Variants in PIP4K2B observed in about 807,000 individuals in gnomAD.
PIP4K2B encodes phosphatidylinositol 5-phosphate 4-kinase type-2 beta.
In PIP4K2B, 3 loss-of-function variants were observed where a neutral mutation model predicts 42.0. The observed-to-expected ratio is 0.07, with a 90% CI of 0.03 to 0.18. The LOEUF is 0.18. Among genes scored for constraint, PIP4K2B ranks in the 10% least tolerant of loss-of-function variants. The pLI is 1.00. For missense variants in PIP4K2B, 332 were observed against 562.3 expected, an observed-to-expected ratio of 0.59 and a Z score of 4.14; for synonymous variants, 204 against 210.1, an observed-to-expected ratio of 0.97 and a Z score of 0.25.
At position 38,779,521 on chromosome 17, in the gene PIP4K2B, C is replaced by A. The variant is rs1389773922; in HGVS notation, c.516G>T (p.Val172=). 1.2e-6 allele frequency: 2 copies of A among 1,613,482 alleles called. No individual in the cohort carries two copies. Among genetic ancestry groups the A allele is most frequent in the Non-Finnish European group, 1.7e-6 (2 of 1,179,518 alleles). ...NILKKYHQFI[V]ECHGNTLLPQ... ...GCAAAAGCGTGTTGCCATGACACTC[C>A]ACTATAAACTAGAATGGAAAGGAAG... is the stretch of plus-strand genomic sequence containing the variant. Residue 172 remains valine (V), a synonymous_variant, in exon 5 of 10, where the codon GTG becomes GTT. Coordinates refer to ENST00000619039, the MANE Select transcript of PIP4K2B (RefSeq NM_003559.5).
chr17:38,778,490 G>T, intron 5 of PIP4K2B, 118 bp from the exon 6 acceptor site: 1 of 871,776 alleles, frequency 1.1e-6, no homozygotes, highest in East Asian at 2.4e-5. Context: ...AGAGGGGCCA[G>T]GAGGCAGCAC....
chr17:38,777,556 C>T (rs181902640), intron 7 of PIP4K2B, 131 bp downstream of exon 7: 307 of 679,434 alleles, frequency 4.5e-4, no homozygotes, highest in Non-Finnish European at 6.4e-4. Flanking sequence ...TAAGTGCCCA[C>T]GCTGCTCAAA....
intron 7 of PIP4K2B, chr17:38,776,706 T>C (rs1909376768): frequency 1.0e-5 from 4 of 385,810 alleles, no homozygotes; most frequent in Non-Finnish European, 1.5e-5. Context: ...AAAAAATTTT[T>C]TTTCCCAAGT....
chr17:38,799,293 G>A lies in PIP4K2B; in HGVS notation c.132C>T (p.Ser44=), dbSNP rs1331593987. The change falls in exon 1 of 10, where the codon AGC becomes AGT. Residue 44 remains serine, a synonymous_variant. Transcript: ENST00000619039. The surrounding 1 kb of genome is among the most constrained non-coding windows in gnomAD (Gnocchi z 4.4). ...TGTGGTTCACCCCCCACATCAGGAC[G>A]CTGAGGATCGGCTCGCTGGCCCGGA... ...KLFRASEPIL[S]VLMWGVNHTI... is the part of the protein sequence containing the mutation. 2 of 1,607,036 alleles carry A rather than the reference G, an allele frequency of 1.2e-6. No homozygotes were observed. Among genetic ancestry groups the A allele is most frequent in the Non-Finnish European group, 1.7e-6 (2 of 1,177,412 alleles).
intron 5 of PIP4K2B, 64 bp downstream of exon 5, chr17:38,779,319 T>A (rs73985004): frequency 9.4e-6 from 14 of 1,485,000 alleles, no homozygotes; most frequent in Non-Finnish European, 1.3e-5. Context: ...GAAGTTGGAG[T>A]AGTGGCCCCT....
intron 1 of PIP4K2B, among the ~76,000 whole-genome samples, chr17:38,794,926 C>G (rs927558424): frequency 6.6e-6 from 1 of 151,190 alleles, no homozygotes; most frequent in African/African-American, 2.4e-5. Flanking sequence ...ATGGCAAAAC[C>G]CTGTCTCTAC....
intron 6 of PIP4K2B, 44 bp from the exon 7 acceptor site, chr17:38,777,844 C>T (rs1329253729): frequency 2.2e-6 from 3 of 1,367,392 alleles, no homozygotes; most frequent in Admixed American, 1.7e-5. Context: ...CTGATTAATT[C>T]ACCCCAGGGA....
intron 2 of PIP4K2B, 77 bp downstream of exon 2, chr17:38,786,746 G>C (rs1910035631): frequency 1.1e-6 from 1 of 910,532 alleles, no homozygotes. Flanking sequence ...CTCCCACCAT[G>C]CATGAGGCTT....
intron 4 of PIP4K2B, 98 bp from the exon 5 acceptor site, chr17:38,779,627 A>T (rs1404772419): frequency 1.9e-6 from 2 of 1,080,252 alleles, no homozygotes; most frequent in Non-Finnish European, 2.8e-6. Flanking sequence ...GCTCCCTGGG[A>T]TTCTAACCTC....
intron 6 of PIP4K2B, 53 bp downstream of exon 6, chr17:38,778,281 G>C: frequency 6.4e-7 from 1 of 1,555,238 alleles, no homozygotes; most frequent in Non-Finnish European, 8.9e-7. Flanking sequence ...TGGCCGACAG[G>C]AGTTGTTTCT....
In PIP4K2B at chr17:38,770,581, G is replaced by A. The variant is rs142266113; in HGVS notation, c.1067-42C>T. ...AGCAGGGAAGAAGGAAGAGGGGGCA[G>A]GAGAAGGGCAGACAGCAGCTGGGCA... On this transcript the variant is annotated intron_variant, in intron 8 of 9. Transcript: ENST00000619039. 5,933 of 1,120,954 alleles carry A rather than the reference G, an allele frequency of 5.3e-3. 26 individuals carry two copies. Among genetic ancestry groups the A allele is most frequent in the Admixed American group, 9.3e-3 (543 of 58,352 alleles). 69.4% of individuals were successfully genotyped at this position (1,120,954 alleles called of 1,614,324 possible).
chr17:38,785,337 T>C (rs971057102), intron 2 of PIP4K2B, among the ~76,000 whole-genome samples: 6 of 152,172 alleles, frequency 3.9e-5, no homozygotes, highest in Non-Finnish European at 7.4e-5. Flanking sequence ...ATCTGCCTTA[T>C]CTACCCCGTC....
intron 1 of PIP4K2B, among the ~76,000 whole-genome samples, chr17:38,790,475 A>G (rs752273658): frequency 1.1e-4 from 16 of 152,172 alleles, no homozygotes; most frequent in Admixed American, 5.9e-4. Flanking sequence ...TCACGAGGTC[A>G]GAAGATCGAG....
chr17:38,799,463 G>C lies in PIP4K2B; in HGVS notation c.-39C>G. 6.6e-7 allele frequency: 1 copy of C among 1,522,658 alleles called. No homozygotes were observed. The highest frequency in any genetic ancestry group is 8.7e-7 in the Non-Finnish European group (1 of 1,142,908). The allele number at this position is 1,522,658 out of a possible 1,614,324, so 94.3% of individuals were successfully genotyped here. The stretch of plus-strand genomic sequence containing the variant: ...GCGGCGGCGGCGAAAGAGGGGGGCG[G>C]CGGAGACAGCGCACAAGCCAGCGGC... On this transcript the variant is annotated 5_prime_UTR_variant, in exon 1 of 10. Transcript: ENST00000619039. This position sits in a 1 kb window ranked among gnomAD's most constrained non-coding sequence, Gnocchi z 4.4.
rs372368285 is a variant in PIP4K2B at position 38,784,231 on chromosome 17, G to A, written c.354+12C>T. 3.9e-6 allele frequency: 6 copies of A among 1,543,734 alleles called. No individual in the cohort carries two copies. Among genetic ancestry groups the A allele is most frequent in the Non-Finnish European group, 5.4e-6 (6 of 1,116,240 alleles). ...TTCCCTAATCCACTGATGTTGCCAGGAGCCTCCATACCTGGTAATCCTGAT... is the reference window on the plus strand; with the variant it reads ...TTCCCTAATCCACTGATGTTGCCAGAAGCCTCCATACCTGGTAATCCTGAT... On this transcript the variant is annotated intron_variant, in intron 3 of 9. Coordinates refer to ENST00000619039, the MANE Select transcript of PIP4K2B (RefSeq NM_003559.5).
chr17:38,789,298 G>C (rs2143454268), intron 1 of PIP4K2B, among the ~76,000 whole-genome samples: 1 of 152,314 alleles, frequency 6.6e-6, no homozygotes, highest in South Asian at 2.1e-4. Flanking sequence ...CAGAGATGAG[G>C]GCAGATCCTG....
At chr17:38,795,620 A>G (rs1910615799) in intron 1 of PIP4K2B, among the ~76,000 whole-genome samples, 1 of 151,898 alleles carries the variant, frequency 6.6e-6, no homozygotes, top group Non-Finnish European at 1.5e-5. Flanking sequence ...GTGTGGTGGC[A>G]GGCACCTGTA....
intron 1 of PIP4K2B, among the ~76,000 whole-genome samples, chr17:38,790,425 G>T (rs1291326204): frequency 6.6e-6 from 1 of 152,280 alleles, no homozygotes; most frequent in Non-Finnish European, 1.5e-5. Context: ...AGTGGCTCAC[G>T]CCTATAATCC....
At chr17:38,780,796 C>G (rs1303589995) in intron 3 of PIP4K2B, among the ~76,000 whole-genome samples, 192 bp from the exon 4 acceptor site, 1 of 152,162 alleles carries the variant, frequency 6.6e-6, no homozygotes, top group Non-Finnish European at 1.5e-5. Flanking sequence ...TCCAAAGTGA[C>G]AAGAATTGTT....
Sources: gnomAD v4.1 joint callset for allele counts (sites outside exome capture counted in the v4.1 genomes callset) on GRCh38, gnomAD v4.1.1 for gene constraint, Gnocchi (gnomAD v3.1) non-coding constraint, MANE v1.5 for transcripts, NCBI Gene and HGNC (gene_info 2026-07-23, HGNC 2026-07-21) for gene names.